Variants in LTBP1 observed in about 807,000 individuals in gnomAD.
LTBP1 encodes the protein latent-transforming growth factor beta-binding protein 1.
LTBP1 carries 129 observed loss-of-function variants against 207.6 expected under a neutral mutation model. The observed-to-expected ratio is 0.62, with a 90% CI of 0.54 to 0.72. The LOEUF is 0.72. LTBP1 is among the 30% of genes least tolerant of loss of function. The pLI is 0.00. For synonymous variants in LTBP1, 963 were observed against 833.7 expected, an observed-to-expected ratio of 1.16 and a Z score of -2.67; for missense variants, 2,281 against 2,217.2, an observed-to-expected ratio of 1.03 and a Z score of -0.58.
chr2:33,361,079 C>T (rs776762989), intron 27 of LTBP1, among the ~76,000 whole-genome samples: 27 of 152,262 alleles, frequency 1.8e-4, no homozygotes, highest in Non-Finnish European at 3.4e-4. Flanking sequence ...CAGCATTATT[C>T]GTAACTAAAG....
At chr2:33,171,973 C>T (rs2085502532) in intron 5 of LTBP1, among the ~76,000 whole-genome samples, 1 of 148,556 alleles carries the variant, frequency 6.7e-6, no homozygotes, top group South Asian at 2.1e-4. Flanking sequence ...ATTTTGTCAC[C>T]ACCAGGCCTG....
chr2:33,083,089 C>T (rs187479188), intron 3 of LTBP1, among the ~76,000 whole-genome samples: 8 of 151,978 alleles, frequency 5.3e-5, no homozygotes, highest in Non-Finnish European at 7.4e-5. Flanking sequence ...ACCCAGAAAC[C>T]CATCTCTTCT....
At chr2:33,115,646 G>T (rs1345391101) in intron 4 of LTBP1, among the ~76,000 whole-genome samples, 2 of 152,120 alleles carry the variant, frequency 1.3e-5, no homozygotes, top group African/African-American at 4.8e-5. Flanking sequence ...GTGGGGGTCT[G>T]CTTTATACAG....
At chr2:33,333,378 G>A (rs955465268) in intron 24 of LTBP1, among the ~76,000 whole-genome samples, 1 of 152,106 alleles carries the variant, frequency 6.6e-6, no homozygotes, top group Non-Finnish European at 1.5e-5. Context: ...GGGGTTAGAG[G>A]AGCAGGAGAA....
chr2:33,260,864 T>G (rs895311982), intron 13 of LTBP1, among the ~76,000 whole-genome samples: 1 of 152,216 alleles, frequency 6.6e-6, no homozygotes, highest in Non-Finnish European at 1.5e-5. Flanking sequence ...TCTTTATGAT[T>G]GAATTTAATA....
chr2:33,288,498 G>A (rs1340042801), intron 19 of LTBP1, among the ~76,000 whole-genome samples: 1 of 152,186 alleles, frequency 6.6e-6, no homozygotes, highest in Admixed American at 6.5e-5. Flanking sequence ...CTGTGAAATT[G>A]TGGAGAATTG....
chr2:33,288,199 G>A (rs1019132445), intron 19 of LTBP1, among the ~76,000 whole-genome samples: 14 of 152,156 alleles, frequency 9.2e-5, no homozygotes, highest in African/African-American at 3.4e-4. Context: ...AAGTAATACA[G>A]GTAAATTACT....
intron 2 of LTBP1, among the ~76,000 whole-genome samples, chr2:32,982,720 A>G (rs1004616268): frequency 4.6e-5 from 7 of 152,220 alleles, no homozygotes; most frequent in African/African-American, 1.7e-4. Context: ...CCGTGGCTTC[A>G]GAGGGTGCAA....
Position 33,262,739 on chromosome 2 carries a change from T to C in LTBP1, c.2436T>C (p.Asp812=). 6.2e-7 allele frequency: 1 copy of C among 1,600,608 alleles called. No individual in the cohort carries two copies. Among genetic ancestry groups the C allele is most frequent in the Non-Finnish European group, 8.5e-7 (1 of 1,171,180 alleles). Residue 812 remains aspartate, a synonymous_variant, in exon 14 of 34, where the codon GAT becomes GAC. Transcript: ENST00000404816. ...APPEKEIPSL[D]QEKTKLEPGQ... ...CCATCCAGGAAATACCTTCATTGGA[T>C]CAAGAGAAAACCAAACTTGAGCCTG... is the stretch of plus-strand genomic sequence containing the variant.
At chr2:33,050,332 A>G (rs1159086637) in intron 3 of LTBP1, among the ~76,000 whole-genome samples, 1 of 152,010 alleles carries the variant, frequency 6.6e-6, no homozygotes, top group East Asian at 1.9e-4. Context: ...AGGTGACAAT[A>G]TGGGTTGAGA....
At chr2:32,981,478 G>A (rs1682756145) in intron 2 of LTBP1, among the ~76,000 whole-genome samples, 1 of 152,106 alleles carries the variant, frequency 6.6e-6, no homozygotes, top group Non-Finnish European at 1.5e-5. Flanking sequence ...ATGGATCTAT[G>A]CAGAGTTGAT....
rs143874125 is a variant in LTBP1, at chr2:33,201,881, A to C, written c.1701+13030A>C. Among the ~76,000 whole-genome samples the C allele has an allele frequency of 3.2e-3, 490 of 152,324 alleles. 2 individuals are homozygous for C. Among genetic ancestry groups the C allele is most frequent in the Non-Finnish European group, 5.2e-3 (356 of 68,030 alleles). ...TGTTTGGGATTCTGTTAGAGATGCC[A>C]GAAGTTGTTCCAGCAGTTCTGTTTG... On this transcript the variant is annotated intron_variant, in intron 7 of 33. Transcript: ENST00000404816.
At chr2:33,225,808 C>T (rs2091402189) in intron 9 of LTBP1, among the ~76,000 whole-genome samples, 1 of 151,972 alleles carries the variant, frequency 6.6e-6, no homozygotes, top group South Asian at 2.1e-4. Flanking sequence ...TTTTTTGCTT[C>T]CACTTATGAG....
At chr2:32,951,511 T>C (rs1677102733) in intron 2 of LTBP1, among the ~76,000 whole-genome samples, 1 of 152,140 alleles carries the variant, frequency 6.6e-6, no homozygotes, top group Non-Finnish European at 1.5e-5. Context: ...GCTATAAACC[T>C]TGTGTCCATG....
At position 33,243,662 on chromosome 2, in the gene LTBP1, A is replaced by T; in HGVS notation, c.1877A>T (p.Asp626Val). Residue 626 changes from aspartate (D) to valine (V), a missense_variant and splice_region_variant, in exon 10 of 34, where the codon GAT becomes GTT. Transcript: ENST00000404816. ...YKRVNNTFCQ[D>V]INECQLQGVC... is the part of the protein sequence containing the mutation. ...TCTAAAGAATTGTGTTTTCCTGCAG[A>T]TATTAATGAATGTCAGCTACAAGGT... The T allele has an allele frequency of 6.2e-7, 1 of 1,613,730 alleles. No individual in the cohort carries two copies. Among genetic ancestry groups the T allele is most frequent in the Non-Finnish European group, 8.5e-7 (1 of 1,179,810 alleles).
At chr2:33,174,739 C>G (rs1054652410) in intron 5 of LTBP1, among the ~76,000 whole-genome samples, 4 of 152,272 alleles carry the variant, frequency 2.6e-5, no homozygotes, top group African/African-American at 7.2e-5. Flanking sequence ...AGGCATCACA[C>G]TACCTGACTT....
intron 19 of LTBP1, among the ~76,000 whole-genome samples, chr2:33,281,370 A>G (rs1212433932): frequency 6.6e-6 from 1 of 152,234 alleles, no homozygotes; most frequent in Non-Finnish European, 1.5e-5. Context: ...TTTCAGGCAC[A>G]GTAAACAGCA....
chr2:33,250,594 C>T (rs1015249499), intron 10 of LTBP1, among the ~76,000 whole-genome samples: 3 of 152,150 alleles, frequency 2.0e-5, no homozygotes, highest in Non-Finnish European at 4.4e-5. Context: ...GATCCACATT[C>T]CCATGTGAAT....
At chr2:33,091,633 A>G (rs11124303) in intron 3 of LTBP1, among the ~76,000 whole-genome samples, 9,590 of 152,282 alleles carry the variant, frequency 0.063, 893 homozygotes, top group East Asian at 0.44. Flanking sequence ...CATTGCTTTT[A>G]CCAGAGTATA....
Sources: allele counts gnomAD v4.1 joint callset (sites outside exome capture counted in the v4.1 genomes callset), GRCh38; gene constraint gnomAD v4.1.1; transcripts MANE v1.5; gene names NCBI Gene and HGNC (gene_info 2026-07-23, HGNC 2026-07-21).